ZNF529: variants seen among roughly 807,000 people sequenced by gnomAD.
The protein encoded by ZNF529 is zinc finger protein 529.
Under a neutral mutation model 10.1 loss-of-function variants are expected in ZNF529, and 11 were observed. The ratio of observed to expected loss-of-function variants is 1.09; its 90% CI spans 0.69 to 1.81. ZNF529 has a LOEUF of 1.81. ZNF529 is among the 40% of genes most tolerant of loss of function. The pLI, the probability that ZNF529 is intolerant of heterozygous loss-of-function variation, is 0.00. For missense variants in ZNF529, 624 were observed against 666.8 expected (o/e 0.94, Z 0.71); for synonymous variants, 204 against 215.7 (o/e 0.95, Z 0.47).
chr19:36,558,791 ATAAAAT>A (rs2035572971), intron 2 of ZNF529, among the ~76,000 whole-genome samples: 1 of 152,114 alleles, frequency 6.6e-6, no homozygotes, highest in South Asian at 2.1e-4. Context: ...ATGGGACCAA[ATAAAAT>A]TAAAAAGCTT....
At chr19:36,568,541 G>A (rs771567801) in intron 2 of ZNF529, among the ~76,000 whole-genome samples, 2 of 150,296 alleles carry the variant, frequency 1.3e-5, no homozygotes, top group African/African-American at 4.9e-5. Context: ...GCATGATCTC[G>A]GCTCACTGCA....
chr19:36,604,086 A>G (rs1270553394), intron 1 of ZNF529, among the ~76,000 whole-genome samples: 7 of 152,208 alleles, frequency 4.6e-5, no homozygotes, highest in Admixed American at 6.5e-5. Flanking sequence ...AGGCTGAGGC[A>G]GGAGAATTGC....
chr19:36,595,386 G>A (rs1015632292), intron 1 of ZNF529, among the ~76,000 whole-genome samples: 14 of 152,114 alleles, frequency 9.2e-5, no homozygotes, highest in Middle Eastern at 3.2e-3. Flanking sequence ...CCATTCAACA[G>A]AGCAAGACAC....
At chr19:36,559,911 T>G (rs1290832006) in intron 2 of ZNF529, among the ~76,000 whole-genome samples, 1 of 152,042 alleles carries the variant, frequency 6.6e-6, no homozygotes, top group Non-Finnish European at 1.5e-5. Context: ...TCAAGGAAGC[T>G]CTTTAGGCTG....
chr19:36,566,808 T>A (rs962244631), intron 2 of ZNF529, among the ~76,000 whole-genome samples: 14 of 151,824 alleles, frequency 9.2e-5, no homozygotes, highest in African/African-American at 3.4e-4. Context: ...TCACCTGAGG[T>A]CGGGAGTTTC....
chr19:36,584,766 C>CA (rs559964352), intron 2 of ZNF529, among the ~76,000 whole-genome samples: 2,130 of 90,288 alleles, frequency 0.024, 44 homozygotes, highest in Admixed American at 0.067. Flanking sequence ...GACTCTGTCT[C>CA]AAAAAAAAAA....
rs781481584 is a variant in ZNF529 at position 36,547,166 on chromosome 19, G to A, written c.1392C>T (p.Ala464=). ...TATGAATTCTTTGATGTTGAATAAG[G>A]GCTGACGTAAGTCTAAAGAACTTTC... The part of the protein sequence containing the change: ...ECGKFFRLTS[A]LIQHQRIHSG... The change falls in exon 5 of 5, where the codon GCC becomes GCT. Residue 464 remains alanine, a synonymous_variant. Coordinates refer to ENST00000591340, the MANE Select transcript of ZNF529 (RefSeq NM_020951.5). The A allele has an allele frequency of 3.7e-6, 6 of 1,610,952 alleles. No homozygotes were observed. Among genetic ancestry groups the A allele is most frequent in the South Asian group, 3.3e-5 (3 of 90,916 alleles).
Position 36,547,018 on chromosome 19 carries a change from C to A in ZNF529, c.1540G>T (p.Ala514Ser), listed in dbSNP as rs765774965. 63 of 1,613,842 alleles carry A rather than the reference C, an allele frequency of 3.9e-5. No individual in the cohort carries two copies. Among genetic ancestry groups the A allele is most frequent in the Non-Finnish European group, 4.9e-5 (58 of 1,179,942 alleles). The part of the protein sequence containing the change: ...KPYECKACGK[A>S]FRHSSSFTKH... Reference sequence around the variant, plus strand: ...GTAAAGGATGAACTATGTCTAAAGGCCTTCCCACATGCCTTGCATTCATAG... The same window carrying A: ...GTAAAGGATGAACTATGTCTAAAGGACTTCCCACATGCCTTGCATTCATAG... Residue 514 changes from alanine (A) to serine (S), a missense_variant, in exon 5 of 5, where the codon GCC becomes TCC. Transcript: ENST00000591340.
upstream of ZNF529, chr19:36,577,383 C>T (rs1366004951): frequency 6.8e-6 from 2 of 294,234 alleles, no homozygotes; most frequent in Non-Finnish European, 6.8e-6. Context: ...CCACTGTTTC[C>T]CTTCTAGTCA....
intron 1 of ZNF529, among the ~76,000 whole-genome samples, chr19:36,595,359 A>C (rs1269330769): frequency 6.6e-6 from 1 of 152,144 alleles, no homozygotes; most frequent in Admixed American, 6.6e-5. Flanking sequence ...GCAGCTCTAT[A>C]ATTTAATATA....
chr19:36,549,652 C>T (rs562676269), intron 4 of ZNF529, among the ~76,000 whole-genome samples: 110 of 152,244 alleles, frequency 7.2e-4, no homozygotes, highest in African/African-American at 2.6e-3. Context: ...ACCACTATTG[C>T]TTATTCCCTC....
At chr19:36,580,047 A>T (rs1568610912) in intron 2 of ZNF529, among the ~76,000 whole-genome samples, 2 of 152,138 alleles carry the variant, frequency 1.3e-5, no homozygotes, top group Non-Finnish European at 2.9e-5. Flanking sequence ...AATGTTTGTT[A>T]CTTTTTAAAC....
chr19:36,571,413 G>A (rs746573742), intron 2 of ZNF529, among the ~76,000 whole-genome samples: 15 of 152,092 alleles, frequency 9.9e-5, no homozygotes, highest in African/African-American at 2.9e-4. Context: ...AGTGGCTCAC[G>A]CCTGTAATCC....
chr19:36,588,985 C>T (rs2036645386), intron 2 of ZNF529, among the ~76,000 whole-genome samples: 1 of 149,912 alleles, frequency 6.7e-6, no homozygotes, highest in Admixed American at 6.7e-5. Context: ...CTCTGTCACC[C>T]AGGCTGGAGT....
chr19:36,547,869 A>G lies in ZNF529; in HGVS notation c.689T>C (p.Met230Thr). 1 of 1,611,848 alleles carries G rather than the reference A, an allele frequency of 6.2e-7. No homozygotes were observed. The highest frequency in any genetic ancestry group is 1.7e-5 in the Admixed American group (1 of 59,924). Residue 230 changes from methionine (M) to threonine (T), a missense_variant, in exon 5 of 5, where the codon ATG (methionine) becomes ACG (threonine). Transcript: ENST00000591340. ...AAAACTACATGTATTCCCATATTCC[A>G]TATATTTACAAGGTTTCACACCAGT... The part of the protein sequence containing the change: ...IHTGVKPCKY[M>T]EYGNTCSFYK...
intron 2 of ZNF529, among the ~76,000 whole-genome samples, chr19:36,584,702 G>C (rs1326779096): frequency 6.6e-6 from 1 of 151,700 alleles, no homozygotes; most frequent in Non-Finnish European, 1.5e-5. Context: ...AGGAGGTGGT[G>C]GTTGCAGTGA....
chr19:36,553,054 T>C (rs983444527), intron 4 of ZNF529, among the ~76,000 whole-genome samples: 2 of 152,240 alleles, frequency 1.3e-5, no homozygotes, highest in African/African-American at 4.8e-5. Flanking sequence ...AAATACTCTC[T>C]GTTGTAAGCA....
rs754669541 is a variant in ZNF529 at position 36,544,202 on chromosome 19, AATTAT to A, written c.*2659_*2663del. Reference sequence around the variant, plus strand: ...ACCAAACAGTAATACCACCAATAATAATTATATTATGGTTTCGAGTAAGTGTGAAA... The same window carrying A: ...ACCAAACAGTAATACCACCAATAATAATTATGGTTTCGAGTAAGTGTGAAA... On this transcript the variant is annotated 3_prime_UTR_variant, in exon 5 of 5. Coordinates refer to ENST00000591340, the MANE Select transcript of ZNF529 (RefSeq NM_020951.5). 38 of 152,166 alleles carry A rather than the reference AATTAT, an allele frequency of 2.5e-4. No individual in the cohort carries two copies. The highest frequency in any genetic ancestry group is 1.3e-4 in the Admixed American group (2 of 15,270). 9.4% of individuals were successfully genotyped at this position (152,166 alleles called of 1,614,324 possible).
In ZNF529 at chr19:36,545,571, T is replaced by C. The variant is rs2034980211; in HGVS notation, c.*1295A>G. On this transcript the variant is annotated 3_prime_UTR_variant, in exon 5 of 5. Transcript: ENST00000591340. ...CAATAACCAGTGGCTCGTGATCTCA[T>C]TGACTGCATAACCAAGTCAGCAGTC... 1 of 152,166 alleles carries C rather than the reference T, an allele frequency of 6.6e-6. No homozygotes were observed. The highest frequency in any genetic ancestry group is 2.1e-4 in the South Asian group (1 of 4,828). The allele number at this position is 152,166 out of a possible 1,614,324, so 9.4% of individuals were successfully genotyped here. A position where few individuals can be genotyped will look rare whatever the true frequency, so the allele number is the denominator to read the frequency against.
Sources: gnomAD v4.1 joint callset for allele counts (sites outside exome capture counted in the v4.1 genomes callset) on GRCh38, gnomAD v4.1.1 for gene constraint, MANE v1.5 for transcripts, NCBI Gene and HGNC (gene_info 2026-07-23, HGNC 2026-07-21) for gene names.